Variants in PPARGC1B observed in about 807,000 individuals in gnomAD.
PPARGC1B encodes the protein peroxisome proliferator-activated receptor gamma coactivator 1-beta.
Under a neutral mutation model 101.6 loss-of-function variants are expected in PPARGC1B, and 34 were observed. That is an observed-to-expected ratio of 0.33 (90% CI 0.25 to 0.45). The LOEUF (loss-of-function observed/expected upper bound fraction) is 0.45, where lower values mean the gene tolerates loss of function less well. Ranked by LOEUF, PPARGC1B falls within the 20% of genes least tolerant of loss-of-function variation. The pLI is 1.00. For missense variants in PPARGC1B, 1,234 were observed against 1,317.6 expected (o/e 0.94, Z 0.98); for synonymous variants, 548 against 539.3 (o/e 1.02, Z -0.22).
rs17462080 is a variant in PPARGC1B at position 149,820,839 on chromosome 5, A to G, written c.252+233A>G. ...CCTCCAGAAAGTAAGGGTGAGATGA[A>G]CTGCTCTCTAGGCCTCCCGAGCAGA... On this transcript the variant is annotated intron_variant, in intron 2 of 11. Coordinates refer to ENST00000309241, the MANE Select transcript of PPARGC1B (RefSeq NM_133263.4). 0.071 allele frequency among the ~76,000 whole-genome samples: 10,747 copies of G among 152,186 alleles called. 501 individuals are homozygous for G. The highest frequency in any genetic ancestry group is 0.15 in the Admixed American group (2,237 of 15,280).
At chr5:149,856,883 G>T (rs1759967869), downstream of PPARGC1B, among the ~76,000 whole-genome samples, 1 of 150,014 alleles carries the variant, frequency 6.7e-6, no homozygotes, top group Non-Finnish European at 1.5e-5. Flanking sequence ...TGATTCTCCT[G>T]CCTCAGCCTC....
At chr5:149,786,161 C>G (rs1756800942) in intron 1 of PPARGC1B, among the ~76,000 whole-genome samples, 1 of 151,710 alleles carries the variant, frequency 6.6e-6, no homozygotes, top group Non-Finnish European at 1.5e-5. Flanking sequence ...GGCTCGATCT[C>G]CGCTCACTGC....
intron 1 of PPARGC1B, among the ~76,000 whole-genome samples, chr5:149,805,590 C>T (rs1482030810): frequency 6.6e-6 from 1 of 152,142 alleles, no homozygotes; most frequent in African/African-American, 2.4e-5. Flanking sequence ...CAGGCGTGCA[C>T]CACCACGCCT....
intron 2 of PPARGC1B, among the ~76,000 whole-genome samples, chr5:149,825,362 G>A (rs1327678003): frequency 1.3e-5 from 2 of 152,262 alleles, no homozygotes; most frequent in Non-Finnish European, 2.9e-5. Flanking sequence ...GCCCCTGGGC[G>A]AGGTTGCTGT....
rs560409995 is a variant in PPARGC1B, at chr5:149,825,192, G to A, written c.253-1481G>A. Among the ~76,000 whole-genome samples the A allele has an allele frequency of 3.3e-5, 5 of 152,346 alleles. No homozygotes were observed. In the South Asian group the frequency reaches 6.2e-4, roughly 19 times the overall value. On this transcript the variant is annotated intron_variant, in intron 2 of 11. Coordinates refer to ENST00000309241, the MANE Select transcript of PPARGC1B (RefSeq NM_133263.4). ...TGGGCGTGGGGGCCTGTGGGCTGGG[G>A]GAACACACGCCGACCCTCCTTATGG...
chr5:149,847,319 G>A (rs762304382), intron 11 of PPARGC1B, 139 bp from the exon 12 acceptor site: 29 of 782,278 alleles, frequency 3.7e-5, no homozygotes, highest in Admixed American at 6.9e-5. Context: ...ACAGTCCAGC[G>A]CTCATCCCAG....
At position 149,849,402 on chromosome 5, in the gene PPARGC1B, A is replaced by C. The variant is rs1275707998; in HGVS notation, c.*1844A>C. The C allele has an allele frequency of 6.6e-6, 1 of 152,332 alleles. No homozygotes were observed. The highest frequency in any genetic ancestry group is 1.9e-4 in the East Asian group (1 of 5,180). The allele number at this position is 152,332 out of a possible 1,614,324, so 9.4% of individuals were successfully genotyped here. A position where few individuals can be genotyped will look rare whatever the true frequency, so the allele number is the denominator to read the frequency against. On this transcript the variant is annotated 3_prime_UTR_variant, in exon 12 of 12. Coordinates refer to ENST00000309241, the MANE Select transcript of PPARGC1B (RefSeq NM_133263.4). ...TCCTTTCCTGTGAAATGAACTGATT[A>C]GACATGTTTCAACATTGTTAGCTTC...
intron 1 of PPARGC1B, among the ~76,000 whole-genome samples, chr5:149,760,505 A>C (rs575120691): frequency 6.6e-6 from 1 of 152,210 alleles, no homozygotes; most frequent in African/African-American, 2.4e-5. Context: ...AGTGGGTGTG[A>C]GAATTAAATG....
chr5:149,845,973 T>C lies in PPARGC1B; in HGVS notation c.2971+59T>C, dbSNP rs1181689322. The C allele has an allele frequency of 3.7e-6, 6 of 1,605,954 alleles. No individual in the cohort carries two copies. In the African/African-American group the frequency reaches 6.7e-5, roughly 18 times the overall value. On this transcript the variant is annotated intron_variant, in intron 11 of 11. Transcript: ENST00000309241. ...GACTCAAAGCTTGGGAAGCAGTGCCTTCCTTGAACAAAACCCAGAGCTAAA... is the reference window on the plus strand; with the variant it reads ...GACTCAAAGCTTGGGAAGCAGTGCCCTCCTTGAACAAAACCCAGAGCTAAA...
chr5:149,779,851 C>G (rs1325186631), intron 1 of PPARGC1B, among the ~76,000 whole-genome samples: 1 of 152,152 alleles, frequency 6.6e-6, no homozygotes, highest in Admixed American at 6.6e-5. Context: ...ATCCGGGATG[C>G]AGGGAGAGGC....
intron 1 of PPARGC1B, among the ~76,000 whole-genome samples, chr5:149,779,136 G>C (rs1312563835): frequency 6.6e-6 from 1 of 152,200 alleles, no homozygotes; most frequent in African/African-American, 2.4e-5. Flanking sequence ...GCCAGACTCT[G>C]AATCTGAGTG....
intron 1 of PPARGC1B, among the ~76,000 whole-genome samples, chr5:149,815,556 C>T (rs1051495115): frequency 4.6e-5 from 7 of 152,092 alleles, no homozygotes; most frequent in Admixed American, 6.6e-5. Flanking sequence ...TATTTATTTA[C>T]TTACTTACAA....
chr5:149,799,694 T>TTTTTC (rs1554078150), intron 1 of PPARGC1B, among the ~76,000 whole-genome samples: 2 of 28,630 alleles, frequency 7.0e-5, no homozygotes, highest in African/African-American at 3.4e-4. Flanking sequence ...CTTGTTGTTG[T>TTTTTC]TTTTTTTTTT....
chr5:149,796,672 A>G (rs1757227853), intron 1 of PPARGC1B, among the ~76,000 whole-genome samples: 1 of 152,006 alleles, frequency 6.6e-6, no homozygotes, highest in South Asian at 2.1e-4. Flanking sequence ...TGAGAATGGT[A>G]TTTTGGAGAG....
intron 1 of PPARGC1B, among the ~76,000 whole-genome samples, chr5:149,809,286 T>C (rs182592729): frequency 1.5e-3 from 67 of 45,400 alleles, no homozygotes; most frequent in African/African-American, 5.9e-3. Flanking sequence ...GATCCATCTC[T>C]ACCATAGATA....
intron 1 of PPARGC1B, among the ~76,000 whole-genome samples, chr5:149,738,807 G>A (rs1017454712): frequency 3.9e-5 from 6 of 152,208 alleles, no homozygotes; most frequent in African/African-American, 1.4e-4. Context: ...ATATTGGCCA[G>A]GCTGGTCTTG....
At chr5:149,777,045 T>C (rs1756389552) in intron 1 of PPARGC1B, among the ~76,000 whole-genome samples, 2 of 152,192 alleles carry the variant, frequency 1.3e-5, no homozygotes, top group Non-Finnish European at 2.9e-5. Context: ...TTATTCCCAT[T>C]GTGCAGGTGC....
rs181357546 is a variant in PPARGC1B at position 149,821,575 on chromosome 5, G to T, written c.252+969G>T. On this transcript the variant is annotated intron_variant, in intron 2 of 11. Coordinates refer to ENST00000309241, the MANE Select transcript of PPARGC1B (RefSeq NM_133263.4). ...TTGGGGGCAGAAGCCATAGCTCCCT[G>T]TGCCTGTCTGGCAGTATAATAATAA... Among the ~76,000 whole-genome samples the T allele has an allele frequency of 1.5e-3, 228 of 152,316 alleles. 2 individuals carry two copies. Among genetic ancestry groups the T allele is most frequent in the African/African-American group, 5.2e-3 (216 of 41,562 alleles).
intron 10 of PPARGC1B, among the ~76,000 whole-genome samples, chr5:149,843,379 C>T (rs26125): frequency 0.13 from 19,334 of 152,140 alleles, 1,412 homozygotes; most frequent in South Asian, 0.21. Flanking sequence ...CGGGTTTTTA[C>T]ATTCTAATAC....
Sources: allele counts gnomAD v4.1 joint callset (sites outside exome capture counted in the v4.1 genomes callset), GRCh38; gene constraint gnomAD v4.1.1; transcripts MANE v1.5; gene names NCBI Gene and HGNC (gene_info 2026-07-23, HGNC 2026-07-21).